The following XRCC4 variants were observed in gnomAD, a reference collection of about 807,000 sequenced individuals.
XRCC4 encodes the protein X-ray repair cross complementing 4.
XRCC4 carries 28 observed loss-of-function variants against 39.1 expected under a neutral mutation model. The observed-to-expected ratio is 0.72, with a 90% CI of 0.53 to 0.98. The LOEUF is 0.98. XRCC4 is among the 50% of genes least tolerant of loss of function. XRCC4 has a pLI of 0.00. For missense variants in XRCC4, 350 were observed against 376.4 expected (o/e 0.93, Z 0.58); for synonymous variants, 123 against 126.4 (o/e 0.97, Z 0.18).
At chr5:83,101,778 G>A (rs59424858) in intron 1 of XRCC4, among the ~76,000 whole-genome samples, 9,853 of 152,004 alleles carry the variant, frequency 0.065, 1,018 homozygotes, top group East Asian at 0.48. Flanking sequence ...TAGATGACAA[G>A]GTCAGAGAGA....
intron 3 of XRCC4, among the ~76,000 whole-genome samples, chr5:83,112,091 G>A (rs28383156): frequency 0.016 from 2,402 of 152,102 alleles, 33 homozygotes; most frequent in South Asian, 0.04. Flanking sequence ...TTATATTATC[G>A]TGTAGGGAAT....
At chr5:83,328,071 G>A (rs568359702) in intron 7 of XRCC4, among the ~76,000 whole-genome samples, 4 of 152,166 alleles carry the variant, frequency 2.6e-5, no homozygotes, top group African/African-American at 7.2e-5. Context: ...CACATGGCTG[G>A]GAGGCCTCAG....
chr5:83,159,106 G>A (rs1393858492), intron 3 of XRCC4, among the ~76,000 whole-genome samples: 15 of 151,880 alleles, frequency 9.9e-5, no homozygotes, highest in Admixed American at 9.8e-4. Context: ...AGGACTACCT[G>A]GAAAATATAA....
intron 3 of XRCC4, among the ~76,000 whole-genome samples, chr5:83,165,578 TGTATTAAGCCTA>T (rs1749428031): frequency 6.6e-6 from 1 of 152,144 alleles, no homozygotes. Context: ...TCACCACCCA[TGTATTAAGCCTA>T]GTACCCATTT....
chr5:83,109,717 G>A (rs28383147), intron 2 of XRCC4, among the ~76,000 whole-genome samples: 1,831 of 152,000 alleles, frequency 0.012, 34 homozygotes, highest in African/African-American at 0.041. Context: ...AAGCTTACTT[G>A]TAGATTCATG....
chr5:83,216,513 G>C (rs372018782), intron 6 of XRCC4, among the ~76,000 whole-genome samples: 1 of 152,114 alleles, frequency 6.6e-6, no homozygotes. Flanking sequence ...ACATATACTT[G>C]ACTGTTCATC....
intron 3 of XRCC4, among the ~76,000 whole-genome samples, chr5:83,146,803 A>C (rs534165172): frequency 6.6e-6 from 1 of 152,204 alleles, no homozygotes; most frequent in African/African-American, 2.4e-5. Flanking sequence ...ATTTTTCTGT[A>C]TGTTTTCTTT....
At chr5:83,122,958 C>T (rs934092583) in intron 3 of XRCC4, among the ~76,000 whole-genome samples, 19 of 152,004 alleles carry the variant, frequency 1.2e-4, no homozygotes, top group African/African-American at 3.4e-4. Context: ...TGAATGTAAC[C>T]GTTGTTCAAT....
intron 7 of XRCC4, among the ~76,000 whole-genome samples, chr5:83,260,820 G>A (rs1315451103): frequency 6.6e-6 from 1 of 152,014 alleles, no homozygotes; most frequent in Non-Finnish European, 1.5e-5. Context: ...CAAAGTTGAT[G>A]TAAACCATAT....
At chr5:83,100,772 T>C (rs913063601) in intron 1 of XRCC4, among the ~76,000 whole-genome samples, 1 of 139,200 alleles carries the variant, frequency 7.2e-6, no homozygotes, top group African/African-American at 2.5e-5. Flanking sequence ...AGCCTTGAAC[T>C]ATATGTCTTT....
chr5:83,236,363 A>G (rs6862718), intron 6 of XRCC4, among the ~76,000 whole-genome samples: 3,314 of 152,206 alleles, frequency 0.022, 122 homozygotes, highest in African/African-American at 0.075. Context: ...GTCTCATAAA[A>G]ACAGACACAT....
chr5:83,095,533 A>T (rs1446386981), intron 1 of XRCC4, among the ~76,000 whole-genome samples: 1 of 152,112 alleles, frequency 6.6e-6, no homozygotes, highest in Non-Finnish European at 1.5e-5. Context: ...TCTGCTGAGG[A>T]TCTGTTGTGG....
At chr5:83,121,810 C>G (rs994158917) in intron 3 of XRCC4, among the ~76,000 whole-genome samples, 1 of 152,020 alleles carries the variant, frequency 6.6e-6, no homozygotes, top group African/African-American at 2.4e-5. Flanking sequence ...TGCATGAGCG[C>G]TATAGTTTTA....
intron 7 of XRCC4, among the ~76,000 whole-genome samples, chr5:83,341,965 T>C (rs763288320): frequency 6.6e-6 from 1 of 152,198 alleles, no homozygotes; most frequent in Non-Finnish European, 1.5e-5. Context: ...GTTTCGTTTG[T>C]AGCACAGCAA....
intron 7 of XRCC4, among the ~76,000 whole-genome samples, chr5:83,299,369 C>G (rs1755199372): frequency 6.6e-6 from 1 of 152,040 alleles, no homozygotes; most frequent in African/African-American, 2.4e-5. Context: ...CATGATACAA[C>G]AAAATGTAGG....
chr5:83,155,860 A>T (rs1308236242), intron 3 of XRCC4, among the ~76,000 whole-genome samples: 1 of 152,102 alleles, frequency 6.6e-6, no homozygotes, highest in Non-Finnish European at 1.5e-5. Flanking sequence ...TTTTGTCTAA[A>T]CCTATCGTTA....
intron 1 of XRCC4, among the ~76,000 whole-genome samples, chr5:83,092,508 G>A (rs1301106419): frequency 6.6e-6 from 1 of 152,034 alleles, no homozygotes. Context: ...TTTTAGGATG[G>A]TAATGGTGGT....
chr5:83,243,112 C>T (rs965476053), intron 6 of XRCC4, among the ~76,000 whole-genome samples: 3 of 152,028 alleles, frequency 2.0e-5, no homozygotes, highest in South Asian at 4.1e-4. Flanking sequence ...CTAGAAGTAG[C>T]GGTAGTTGGT....
downstream of XRCC4, among the ~76,000 whole-genome samples, chr5:83,355,733 TG>T (rs1220239129): frequency 1.8e-4 from 28 of 152,310 alleles, no homozygotes; most frequent in African/African-American, 6.7e-4. Context: ...TCTGCCTCCC[TG>T]GTTCAAGAGA....
Sources: allele counts gnomAD v4.1 joint callset (sites outside exome capture counted in the v4.1 genomes callset), GRCh38; gene constraint gnomAD v4.1.1; transcripts MANE v1.5; gene names NCBI Gene and HGNC (gene_info 2026-07-23, HGNC 2026-07-21).